Variants in TBL1X observed in about 807,000 individuals in gnomAD.
TBL1X encodes F-box-like/WD repeat-containing protein TBL1X.
TBL1X carries 10 observed loss-of-function variants against 50.7 expected under a neutral mutation model. The observed-to-expected ratio is 0.20, with a 90% confidence interval of 0.12 to 0.33. TBL1X has a LOEUF of 0.33. Ranked by LOEUF, TBL1X falls within the 10% of genes least tolerant of loss-of-function variation. The pLI is 1.00. For missense variants in TBL1X, 340 were observed against 504.4 expected (o/e 0.67, Z 3.12); for synonymous variants, 190 against 214.7 (o/e 0.88, Z 1.01).
chrX:9,523,951 CATTTTAACCTT>C (rs1267646952), intron 2 of TBL1X, among the ~76,000 whole-genome samples: 2 of 94,440 alleles, frequency 2.1e-5, no homozygotes, highest in African/African-American at 7.8e-5. Flanking sequence ...AAAATTTAGT[CATTTTAACCTT>C]TTTTTTTTTT....
chrX:9,593,852 C>T (rs911018238), intron 2 of TBL1X, among the ~76,000 whole-genome samples: 1 of 111,596 alleles, frequency 9.0e-6, no homozygotes, highest in African/African-American at 3.3e-5. Flanking sequence ...TCCTCTCCCT[C>T]GTCGGGCCCA....
At chrX:9,641,078 G>A (rs1179121082) in intron 3 of TBL1X, among the ~76,000 whole-genome samples, 1 of 112,369 alleles carries the variant, frequency 8.9e-6, no homozygotes, top group Non-Finnish European at 1.9e-5. Context: ...TTGGGTGCAT[G>A]AGTATAGATT....
chrX:9,591,973 G>A (rs750368498), intron 2 of TBL1X, among the ~76,000 whole-genome samples: 1 of 112,274 alleles, frequency 8.9e-6, no homozygotes, highest in East Asian at 2.8e-4. Flanking sequence ...TTTTACTTCT[G>A]TAATCTAAAC....
chrX:9,672,307 A>G (rs1169407825), intron 5 of TBL1X, among the ~76,000 whole-genome samples: 2 of 112,219 alleles, frequency 1.8e-5, no homozygotes, highest in African/African-American at 6.5e-5. Flanking sequence ...TCACCGTTAC[A>G]TTCAAGACTT....
intron 4 of TBL1X, 113 bp downstream of exon 4, chrX:9,653,802 G>A (rs2082849939): frequency 4.4e-6 from 3 of 683,621 alleles, no homozygotes; most frequent in Non-Finnish European, 4.4e-6. Context: ...GCTCAGTGTT[G>A]AATCCCTCCA....
intron 2 of TBL1X, among the ~76,000 whole-genome samples, chrX:9,629,261 A>G (rs2082708482): frequency 8.9e-6 from 1 of 112,770 alleles, no homozygotes; most frequent in Non-Finnish European, 1.9e-5. Context: ...TTTTATTGGA[A>G]CACATACACA....
At chrX:9,638,619 T>C (rs1165046845) in intron 2 of TBL1X, among the ~76,000 whole-genome samples, 1 of 112,312 alleles carries the variant, frequency 8.9e-6, no homozygotes, top group Non-Finnish European at 1.9e-5. Context: ...GGTTACCATC[T>C]GTTTTGGACC....
intron 1 of TBL1X, among the ~76,000 whole-genome samples, chrX:9,471,961 G>A (rs1474128120): frequency 4.5e-5 from 5 of 111,403 alleles, no homozygotes; most frequent in African/African-American, 1.3e-4. Context: ...GGGAGGAGGT[G>A]AGGCTCTCTC....
At chrX:9,464,024 G>C (rs1342429954), upstream of TBL1X, among the ~76,000 whole-genome samples, 4 of 112,047 alleles carry the variant, frequency 3.6e-5, no homozygotes, top group Admixed American at 2.8e-4. Context: ...GAGTGTACCG[G>C]GCTCTTAGCA....
chrX:9,548,990 A>G (rs1328937373), intron 2 of TBL1X, among the ~76,000 whole-genome samples: 1 of 113,315 alleles, frequency 8.8e-6, no homozygotes, highest in African/African-American at 3.2e-5. Context: ...TAAGTGTTAC[A>G]ATTCATGTGA....
intron 2 of TBL1X, among the ~76,000 whole-genome samples, chrX:9,602,240 T>C (rs2082560843): frequency 8.9e-6 from 1 of 111,826 alleles, no homozygotes; most frequent in Non-Finnish European, 1.9e-5. Context: ...CTAGAATGGC[T>C]CAAGTTACCA....
chrX:9,563,602 G>A (rs2082334224), intron 2 of TBL1X, among the ~76,000 whole-genome samples: 1 of 112,572 alleles, frequency 8.9e-6, no homozygotes, highest in African/African-American at 3.2e-5. Flanking sequence ...GCCACCAGCT[G>A]TACATGAGTA....
At chrX:9,684,272 A>G in intron 6 of TBL1X, 84 bp downstream of exon 6, 3 of 1,139,313 alleles carry the variant, frequency 2.6e-6, no homozygotes, top group Non-Finnish European at 3.6e-6. Context: ...GCTAACATGC[A>G]TTTCCCTCAG....
Position 9,669,236 on chromosome X carries a change from A to G in TBL1X, c.212-14807A>G, listed in dbSNP as rs141774902. Among the ~76,000 whole-genome samples the G allele has an allele frequency of 3.9e-3, 431 of 111,428 alleles. 2 individuals are homozygous for G. Among genetic ancestry groups the G allele is most frequent in the African/African-American group, 0.014 (417 of 30,664 alleles). On this transcript the variant is annotated intron_variant, in intron 5 of 17. Coordinates refer to ENST00000645353, the MANE Select transcript of TBL1X (RefSeq NM_005647.4). Reference sequence around the variant, plus strand: ...CAAGCTGAAGCTTATTCCTCGTAATATAGGCGACAAAAACGTTTCAGATTT... The same window carrying G: ...CAAGCTGAAGCTTATTCCTCGTAATGTAGGCGACAAAAACGTTTCAGATTT...
At chrX:9,710,077 C>T (rs757732846) in intron 15 of TBL1X, among the ~76,000 whole-genome samples, 2 of 110,818 alleles carry the variant, frequency 1.8e-5, no homozygotes, top group Admixed American at 9.5e-5. Context: ...CTTAGCCAGG[C>T]GTGGTGACGT....
chrX:9,506,971 C>G (rs1195056464), intron 2 of TBL1X, among the ~76,000 whole-genome samples: 1 of 111,964 alleles, frequency 8.9e-6, no homozygotes, highest in African/African-American at 3.2e-5. Flanking sequence ...CTGGAAGAGA[C>G]ACAGCCAATA....
rs952476460 is a variant in TBL1X at position 9,638,250 on chromosome X, A to G, written c.-130-2023A>G. On this transcript the variant is annotated intron_variant, in intron 2 of 17. Transcript: ENST00000645353. The stretch of plus-strand genomic sequence containing the variant: ...TTATATTTGTCACATATCAGCATTT[A>G]TTTAGCTGTAAAAATAAACAGCATA... 1.4e-4 allele frequency among the ~76,000 whole-genome samples: 16 copies of G among 111,808 alleles called. No individual in the cohort carries two copies. The Admixed American group carries it at 1.5e-3, about 11-fold the overall frequency.
At chrX:9,598,663 C>G (rs1260994535) in intron 2 of TBL1X, among the ~76,000 whole-genome samples, 1 of 112,029 alleles carries the variant, frequency 8.9e-6, no homozygotes, top group Non-Finnish European at 1.9e-5. Context: ...CAAAGCGCTG[C>G]TGGAGTGGCT....
At chrX:9,533,178 G>C in intron 2 of TBL1X, among the ~76,000 whole-genome samples, 1 of 112,098 alleles carries the variant, frequency 8.9e-6, no homozygotes, top group African/African-American at 3.2e-5. Context: ...GTGAGGGTAA[G>C]AGGTAAAAGG....
Sources: allele counts gnomAD v4.1 joint callset (sites outside exome capture counted in the v4.1 genomes callset), GRCh38; gene constraint gnomAD v4.1.1; transcripts MANE v1.5; gene names NCBI Gene and HGNC (gene_info 2026-07-23, HGNC 2026-07-21).